The following AAGAB variants were observed in gnomAD, a reference collection of about 807,000 sequenced individuals.
The protein encoded by AAGAB is alpha and gamma adaptin binding protein.
Under a neutral mutation model 44.1 loss-of-function variants are expected in AAGAB, and 38 were observed. The ratio of observed to expected loss-of-function variants is 0.86; its 90% confidence interval spans 0.67 to 1.13. AAGAB has a LOEUF of 1.13. AAGAB is among the 50% of genes most tolerant of loss of function. The pLI, the probability that AAGAB is intolerant of heterozygous loss-of-function variation, is 0.00. For missense variants in AAGAB, 450 were observed against 373.8 expected, an observed-to-expected ratio of 1.20 and a Z score of -1.68; for synonymous variants, 131 against 131.8, an observed-to-expected ratio of 0.99 and a Z score of 0.04.
At chr15:67,240,471 G>A (rs1964570166) in intron 1 of AAGAB, among the ~76,000 whole-genome samples, 1 of 152,190 alleles carries the variant, frequency 6.6e-6, no homozygotes, top group Admixed American at 6.5e-5. Context: ...CATTTTTTAA[G>A]AGACAAACAC....
At chr15:67,248,808 G>A (rs748445280) in intron 1 of AAGAB, among the ~76,000 whole-genome samples, 5 of 152,302 alleles carry the variant, frequency 3.3e-5, no homozygotes, top group Non-Finnish European at 5.9e-5. Flanking sequence ...TGGTTTTGCA[G>A]TTTCAGAAAC....
At chr15:67,230,021 A>T (rs965724800) in intron 5 of AAGAB, among the ~76,000 whole-genome samples, 3 of 142,606 alleles carry the variant, frequency 2.1e-5, no homozygotes, top group African/African-American at 5.2e-5. Flanking sequence ...TAATTTTTGT[A>T]TTTTTTTTTT....
intron 5 of AAGAB, among the ~76,000 whole-genome samples, chr15:67,230,910 C>T (rs1964319156): frequency 6.6e-6 from 1 of 152,144 alleles, no homozygotes; most frequent in African/African-American, 2.4e-5. Context: ...TTGCATCAAC[C>T]CCTTATTTAA....
intron 5 of AAGAB, among the ~76,000 whole-genome samples, chr15:67,220,291 C>T (rs1214851940): frequency 6.6e-6 from 1 of 152,194 alleles, no homozygotes; most frequent in African/African-American, 2.4e-5. Context: ...TCAGAGAGCA[C>T]CTAGGCTAAG....
At chr15:67,251,139 A>G (rs572985863) in intron 1 of AAGAB, among the ~76,000 whole-genome samples, 88 of 152,356 alleles carry the variant, frequency 5.8e-4, no homozygotes, top group African/African-American at 2.0e-3. Flanking sequence ...TTGAGTGACA[A>G]AAAGAAAAAG....
chr15:67,212,233 G>A (rs997384533), intron 5 of AAGAB, among the ~76,000 whole-genome samples: 1 of 152,130 alleles, frequency 6.6e-6, no homozygotes, highest in African/African-American at 2.4e-5. Context: ...GGGAGGGACG[G>A]GAGTTAGGAG....
rs1963555499 is a variant in AAGAB, at chr15:67,200,853, G to C, written c.*1968C>G. On this transcript the variant is annotated 3_prime_UTR_variant, in exon 10 of 10. Transcript: ENST00000261880. ...TAGAAGAGGCCAATATCCCTGCATA[G>C]CTGAGGTCTTAAAAACATGACATTA... 6.6e-6 allele frequency among the ~76,000 whole-genome samples: 1 copy of C among 152,150 alleles called. No individual in the cohort carries two copies. Among genetic ancestry groups the C allele is most frequent in the African/African-American group, 2.4e-5 (1 of 41,428 alleles).
chr15:67,211,735 T>C (rs1963825157), intron 5 of AAGAB, among the ~76,000 whole-genome samples: 1 of 152,126 alleles, frequency 6.6e-6, no homozygotes, highest in Admixed American at 6.6e-5. Flanking sequence ...TTCATAAATC[T>C]CTCCATATTC....
intron 5 of AAGAB, among the ~76,000 whole-genome samples, chr15:67,218,291 C>G (rs370352316): frequency 2.6e-5 from 4 of 152,336 alleles, no homozygotes; most frequent in African/African-American, 9.6e-5. Flanking sequence ...CAAGAGTTAC[C>G]AGCATGGACT....
chr15:67,248,998 T>C (rs1282112414), intron 1 of AAGAB, among the ~76,000 whole-genome samples: 2 of 152,198 alleles, frequency 1.3e-5, no homozygotes, highest in Non-Finnish European at 2.9e-5. Context: ...TAAGAAGCAT[T>C]ATATAAATCT....
Position 67,200,770 on chromosome 15 carries a change from A to G in AAGAB, c.*2051T>C, listed in dbSNP as rs1309290439. On this transcript the variant is annotated 3_prime_UTR_variant, in exon 10 of 10. Transcript: ENST00000261880. ...ATTACTGTAGTGTTAGCTCATGATC[A>G]CTATTCTAACATGGGCTTTTAGTAG... Among the ~76,000 whole-genome samples, 2 of 152,252 alleles carry G rather than the reference A, an allele frequency of 1.3e-5. No homozygotes were observed. Among genetic ancestry groups the G allele is most frequent in the African/African-American group, 4.8e-5 (2 of 41,468 alleles).
At chr15:67,231,436 G>C (rs1452306100) in intron 5 of AAGAB, among the ~76,000 whole-genome samples, 3 of 152,152 alleles carry the variant, frequency 2.0e-5, no homozygotes, top group Admixed American at 1.3e-4. Flanking sequence ...TTTACTGCCT[G>C]CATCAGTCAT....
intron 7 of AAGAB, among the ~76,000 whole-genome samples, chr15:67,208,268 G>A (rs763967620): frequency 5.9e-5 from 9 of 152,292 alleles, no homozygotes; most frequent in South Asian, 2.1e-4. Context: ...AAAAAACTAC[G>A]TGATACAGAG....
intron 5 of AAGAB, among the ~76,000 whole-genome samples, chr15:67,230,148 G>C (rs2140371026): frequency 6.6e-6 from 1 of 152,108 alleles, no homozygotes; most frequent in South Asian, 2.1e-4. Flanking sequence ...CACCTCACCT[G>C]GCTGTAAAAT....
intron 3 of AAGAB, 137 bp from the exon 4 acceptor site, chr15:67,236,205 A>AAAATG: frequency 1.1e-6 from 1 of 879,760 alleles, no homozygotes; most frequent in South Asian, 1.8e-5. Context: ...TAATAAAAAG[A>AAAATG]AAATGACTTC....
intron 5 of AAGAB, among the ~76,000 whole-genome samples, chr15:67,229,576 T>C (rs1339518660): frequency 6.6e-6 from 1 of 151,140 alleles, no homozygotes; most frequent in Non-Finnish European, 1.5e-5. Flanking sequence ...ATAAGATTCC[T>C]CCTAGAAAGA....
intron 1 of AAGAB, among the ~76,000 whole-genome samples, chr15:67,246,402 A>AAG (rs1170350874): frequency 2.6e-5 from 4 of 151,940 alleles, no homozygotes; most frequent in Non-Finnish European, 5.9e-5. Flanking sequence ...AAAAAAAAAA[A>AAG]AAAAAATGAA....
intron 1 of AAGAB, among the ~76,000 whole-genome samples, chr15:67,238,912 G>C (rs1043124097): frequency 1.3e-5 from 2 of 152,074 alleles, no homozygotes. Context: ...AGCCAGGATG[G>C]TCTCGATCTC....
chr15:67,215,429 A>G (rs533612384), intron 5 of AAGAB, among the ~76,000 whole-genome samples: 4 of 152,138 alleles, frequency 2.6e-5, no homozygotes, highest in Non-Finnish European at 5.9e-5. Flanking sequence ...ACCCCCCAAC[A>G]CGCCTAACAG....
Sources: gnomAD v4.1 joint callset for allele counts (sites outside exome capture counted in the v4.1 genomes callset) on GRCh38, gnomAD v4.1.1 for gene constraint, MANE v1.5 for transcripts, NCBI Gene and HGNC (gene_info 2026-07-23, HGNC 2026-07-21) for gene names.